MAP4K3: variants seen among roughly 807,000 people sequenced by gnomAD.
MAP4K3 encodes the protein mitogen-activated protein kinase kinase kinase kinase 3.
In MAP4K3, 94 loss-of-function variants were observed where a neutral mutation model predicts 143.5. The observed-to-expected ratio is 0.65, with a 90% CI of 0.55 to 0.78. MAP4K3 has a LOEUF of 0.78. MAP4K3 is among the 30% of genes least tolerant of loss of function. The pLI, the probability that MAP4K3 is intolerant of heterozygous loss-of-function variation, is 0.00. For missense variants in MAP4K3, 1,077 were observed against 1,068.1 expected (o/e 1.01, Z -0.12); for synonymous variants, 416 against 347.2 (o/e 1.20, Z -2.20).
chr2:39,378,423 A>T (rs1245358352), intron 1 of MAP4K3, among the ~76,000 whole-genome samples: 1 of 152,210 alleles, frequency 6.6e-6, no homozygotes, highest in Non-Finnish European at 1.5e-5. Context: ...CTTATAAAAT[A>T]GGTACTGATA....
intron 2 of MAP4K3, among the ~76,000 whole-genome samples, chr2:39,375,455 T>C (rs1396767591): frequency 6.6e-6 from 1 of 152,228 alleles, no homozygotes; most frequent in East Asian, 1.9e-4. Flanking sequence ...CTTTACAGGA[T>C]AAATGATCGA....
intron 1 of MAP4K3, among the ~76,000 whole-genome samples, chr2:39,399,873 C>T (rs556065653): frequency 6.6e-6 from 1 of 152,228 alleles, no homozygotes; most frequent in South Asian, 2.1e-4. Flanking sequence ...TAGCCAGGTA[C>T]ATAATATTTA....
chr2:39,405,783 A>G (rs1667077876), intron 1 of MAP4K3, among the ~76,000 whole-genome samples: 1 of 152,066 alleles, frequency 6.6e-6, no homozygotes, highest in African/African-American at 2.4e-5. Context: ...TGGGAGGATC[A>G]CCTACCTAAG....
intron 28 of MAP4K3, among the ~76,000 whole-genome samples, chr2:39,262,945 A>T (rs1193218879): frequency 1.3e-5 from 2 of 151,926 alleles, no homozygotes; most frequent in Non-Finnish European, 2.9e-5. Context: ...TCTCTACTAA[A>T]AATACAAAAA....
At chr2:39,393,476 T>A (rs775606091) in intron 1 of MAP4K3, among the ~76,000 whole-genome samples, 7 of 152,216 alleles carry the variant, frequency 4.6e-5, no homozygotes, top group Non-Finnish European at 1.0e-4. Context: ...GTCATTACAA[T>A]CCATCCATTT....
At chr2:39,309,435 T>C (rs372749488) in intron 14 of MAP4K3, 26 bp downstream of exon 14, 13 of 1,512,198 alleles carry the variant, frequency 8.6e-6, no homozygotes, top group South Asian at 1.2e-5. Context: ...TTTTCAGTGC[T>C]AACATTCTAA....
intron 19 of MAP4K3, 102 bp from the exon 20 acceptor site, chr2:39,288,382 C>A: frequency 1.0e-6 from 1 of 998,000 alleles, no homozygotes. Flanking sequence ...TTCTACTATA[C>A]ATTAGAGGTT....
intron 1 of MAP4K3, among the ~76,000 whole-genome samples, chr2:39,414,868 C>T (rs1176354360): frequency 6.6e-6 from 1 of 150,630 alleles, no homozygotes. Flanking sequence ...CACAGTGAGA[C>T]TCCAACTCAA....
At chr2:39,432,460 G>A (rs1175365629) in intron 1 of MAP4K3, among the ~76,000 whole-genome samples, 1 of 152,162 alleles carries the variant, frequency 6.6e-6, no homozygotes, top group Non-Finnish European at 1.5e-5. Flanking sequence ...CTGAAGTTTA[G>A]GGCCATTTCT....
At chr2:39,416,178 G>A (rs1031747431) in intron 1 of MAP4K3, among the ~76,000 whole-genome samples, 1 of 151,268 alleles carries the variant, frequency 6.6e-6, no homozygotes, top group South Asian at 2.1e-4. Context: ...TGCTGGGAGG[G>A]TGGAGTTGGG....
Position 39,408,690 on chromosome 2 carries a change from T to C in MAP4K3, c.96+28202A>G, listed in dbSNP as rs115133368. Among the ~76,000 whole-genome samples the C allele has an allele frequency of 6.0e-3, 897 of 149,100 alleles. 9 individuals are homozygous for C. The highest frequency in any genetic ancestry group is 0.021 in the African/African-American group (860 of 40,634). On this transcript the variant is annotated intron_variant, in intron 1 of 33. Coordinates refer to ENST00000263881, the MANE Select transcript of MAP4K3 (RefSeq NM_003618.4). ...GTTGGGTGGGTGAAGGGTTTCGAGA[T>C]ATGGATCTTAGAGAAATTTAAGAGC...
chr2:39,435,489 C>G (rs1665432412), intron 1 of MAP4K3, among the ~76,000 whole-genome samples: 1 of 152,192 alleles, frequency 6.6e-6, no homozygotes, highest in African/African-American at 2.4e-5. Context: ...GTACCCTAAG[C>G]AACGCCTAAT....
At chr2:39,273,423 A>C (rs1237039461) in intron 24 of MAP4K3, among the ~76,000 whole-genome samples, 1 of 152,212 alleles carries the variant, frequency 6.6e-6, no homozygotes, top group Non-Finnish European at 1.5e-5. Flanking sequence ...CCACTGATGT[A>C]CATAATTAGA....
intron 29 of MAP4K3, among the ~76,000 whole-genome samples, chr2:39,259,228 A>G (rs1388711247): frequency 6.6e-6 from 1 of 152,166 alleles, no homozygotes; most frequent in East Asian, 1.9e-4. Context: ...ATATATGCCA[A>G]AACTATGGTC....
At chr2:39,375,052 G>T (rs559323683) in intron 2 of MAP4K3, among the ~76,000 whole-genome samples, 1 of 152,236 alleles carries the variant, frequency 6.6e-6, no homozygotes, top group Admixed American at 6.5e-5. Flanking sequence ...CTTGAGACCA[G>T]GTATTCAAGA....
intron 18 of MAP4K3, among the ~76,000 whole-genome samples, chr2:39,292,263 ATG>A (rs1682075335): frequency 6.6e-6 from 1 of 152,200 alleles, no homozygotes; most frequent in African/African-American, 2.4e-5. Context: ...ATGGACTGAA[ATG>A]TGTCACTATA....
chr2:39,415,980 A>AAAATATATATATATAT (rs1553318573), intron 1 of MAP4K3, among the ~76,000 whole-genome samples: 1 of 14,754 alleles, frequency 6.8e-5, no homozygotes, highest in Admixed American at 7.2e-4. Context: ...AAAAAAAAAA[A>AAAATATATATATATAT]ATATATATAT....
chr2:39,353,833 A>G (rs1665528112), intron 3 of MAP4K3, among the ~76,000 whole-genome samples: 1 of 152,164 alleles, frequency 6.6e-6, no homozygotes, highest in Non-Finnish European at 1.5e-5. Context: ...TGTTCTTAGT[A>G]TTTCACACGT....
At chr2:39,402,555 GA>G (rs1339038137) in intron 1 of MAP4K3, among the ~76,000 whole-genome samples, 2 of 152,000 alleles carry the variant, frequency 1.3e-5, no homozygotes, top group African/African-American at 4.8e-5. Context: ...AAGGAAACAG[GA>G]AATCAGTGAC....
Sources: allele counts gnomAD v4.1 joint callset (sites outside exome capture counted in the v4.1 genomes callset), GRCh38; gene constraint gnomAD v4.1.1; transcripts MANE v1.5; gene names NCBI Gene and HGNC (gene_info 2026-07-23, HGNC 2026-07-21).